RGS12: variants seen among roughly 807,000 people sequenced by gnomAD.
RGS12 encodes regulator of G-protein signaling 12.
RGS12 carries 66 observed loss-of-function variants against 120.1 expected under a neutral mutation model. That is an observed-to-expected ratio of 0.55 (90% confidence interval 0.45 to 0.67). The LOEUF is 0.67. Among genes scored for constraint, RGS12 ranks in the 30% least tolerant of loss-of-function variants. The pLI, the probability that RGS12 is intolerant of heterozygous loss-of-function variation, is 0.00. For synonymous variants in RGS12, 827 were observed against 804.7 expected (o/e 1.03, Z -0.47); for missense variants, 1,859 against 1,957.7 (o/e 0.95, Z 0.95).
At chr4:3,409,976 G>A (rs1342279129) in intron 4 of RGS12, among the ~76,000 whole-genome samples, 1 of 152,236 alleles carries the variant, frequency 6.6e-6, no homozygotes, top group African/African-American at 2.4e-5. Context: ...CTGGCTCCCT[G>A]CTCTGCCCAG....
chr4:3,351,247 T>C (rs908203610), intron 3 of RGS12, among the ~76,000 whole-genome samples: 4 of 152,224 alleles, frequency 2.6e-5, no homozygotes, highest in Non-Finnish European at 5.9e-5. Context: ...CTTGAATTAG[T>C]AACAAATCTT....
In RGS12 at chr4:3,422,980, TAAGAGG is replaced by T; in HGVS notation, c.3107+7_3107+12del. Reference sequence around the variant, plus strand: ...CCTAGAAAAGCGCACCTTGTTTCGGTAAGAGGAAGATCGCTGTCATTCACCTGAGGC... The same window carrying T: ...CCTAGAAAAGCGCACCTTGTTTCGGTAAGATCGCTGTCATTCACCTGAGGC... On this transcript the variant is annotated splice_donor_5th_base_variant and intron_variant, in intron 12 of 17. Coordinates refer to ENST00000336727, the MANE Select transcript of RGS12 (RefSeq NM_001394154.1). The T allele has an allele frequency of 6.2e-7, 1 of 1,612,312 alleles. No homozygotes were observed. Among genetic ancestry groups the T allele is most frequent in the Non-Finnish European group, 8.5e-7 (1 of 1,179,184 alleles).
intron 3 of RGS12, among the ~76,000 whole-genome samples, chr4:3,384,399 T>C (rs1299748068): frequency 6.6e-6 from 1 of 152,136 alleles, no homozygotes; most frequent in Admixed American, 6.5e-5. Context: ...GGTGATCCAC[T>C]CACCTCGGCT....
At chr4:3,419,487 AAAATAAAT>A (rs113081686) in intron 9 of RGS12, 2 of 149,094 alleles carry the variant, frequency 1.3e-5, no homozygotes, top group African/African-American at 2.5e-5. Context: ...AGACTGTCTC[AAAATAAAT>A]AAATAAATAA....
intron 1 of RGS12, among the ~76,000 whole-genome samples, chr4:3,294,290 C>G (rs1010071402): frequency 3.3e-5 from 5 of 152,332 alleles, no homozygotes; most frequent in African/African-American, 1.2e-4. Context: ...GGCAGCAGCC[C>G]CACCATTCAC....
In RGS12 at chr4:3,414,478, GTC is replaced by G. The variant is rs1408755834; in HGVS notation, c.2190+243_2190+244del. 6.6e-6 allele frequency: 4 copies of G among 602,330 alleles called. No individual in the cohort carries two copies. The East Asian group carries it at 1.1e-4, about 17-fold the overall frequency. 37.3% of individuals were successfully genotyped at this position (602,330 alleles called of 1,614,324 possible). On this transcript the variant is annotated intron_variant, in intron 5 of 17. Transcript: ENST00000336727. ...CCTGGCCCTCCCGCTCTCTACTGGG[GTC>G]TCTCTGCAGCCCGCAGCACTGGAGC...
intron 4 of RGS12, among the ~76,000 whole-genome samples, chr4:3,398,169 A>G (rs971230854): frequency 6.6e-6 from 1 of 152,252 alleles, no homozygotes; most frequent in Non-Finnish European, 1.5e-5. Flanking sequence ...CATTTTCAAT[A>G]TAATTGACCA....
At chr4:3,370,199 C>T in intron 3 of RGS12, 1 of 1,584,612 alleles carries the variant, frequency 6.3e-7, no homozygotes, top group Non-Finnish European at 8.6e-7. Flanking sequence ...ACTTTTCTCA[C>T]ACGCACAAGC....
chr4:3,368,178 C>T (rs1716539182), intron 3 of RGS12, among the ~76,000 whole-genome samples: 1 of 152,208 alleles, frequency 6.6e-6, no homozygotes, highest in South Asian at 2.1e-4. Flanking sequence ...AGACCACTGT[C>T]TCCTCCAAAG....
At position 3,433,311 on chromosome 4, in the gene RGS12, G is replaced by A. The variant is rs946841205; in HGVS notation, c.4114+2356G>A. On this transcript the variant is annotated intron_variant, in intron 17 of 17. Transcript: ENST00000336727. This position sits in a 1 kb window ranked among gnomAD's most constrained non-coding sequence, Gnocchi z 4.4. ...GGTGTAGCCAAGCCCACGGGCTCCC[G>A]CCCTCCCCATTGCCATGGTGGGCAG... 2.6e-5 allele frequency among the ~76,000 whole-genome samples: 4 copies of A among 152,174 alleles called. No homozygotes were observed. The highest frequency in any genetic ancestry group is 4.4e-5 in the Non-Finnish European group (3 of 68,002).
intron 2 of RGS12, among the ~76,000 whole-genome samples, chr4:3,330,646 T>C (rs921284284): frequency 6.6e-6 from 1 of 152,242 alleles, no homozygotes; most frequent in African/African-American, 2.4e-5. Context: ...ATTTCCATAC[T>C]ATGGGATCCA....
At chr4:3,298,889 A>G (rs543569785) in intron 1 of RGS12, among the ~76,000 whole-genome samples, 2 of 152,316 alleles carry the variant, frequency 1.3e-5, no homozygotes, top group South Asian at 2.1e-4. Context: ...TACTGTCATT[A>G]AATCTTTGAA....
chr4:3,422,798 T>G (rs1247582463), intron 11 of RGS12, 107 bp from the exon 12 acceptor site: 5 of 1,116,282 alleles, frequency 4.5e-6, no homozygotes, highest in Non-Finnish European at 6.7e-6. Flanking sequence ...TGGCTGTTTT[T>G]GAAGCTGCTC....
At chr4:3,423,675 G>A (rs772913465) in intron 13 of RGS12, 34 bp downstream of exon 13, 33 of 1,586,304 alleles carry the variant, frequency 2.1e-5, no homozygotes, top group Admixed American at 5.0e-5. Context: ...CGTCGTCACC[G>A]CAGGCACTGT....
intron 4 of RGS12, among the ~76,000 whole-genome samples, chr4:3,400,436 G>T (rs1389216809): frequency 6.6e-6 from 1 of 152,112 alleles, no homozygotes; most frequent in Non-Finnish European, 1.5e-5. Context: ...GGATACATTG[G>T]TGAACAAAAC....
At chr4:3,370,123 C>G in intron 3 of RGS12, 1 of 1,450,892 alleles carries the variant, frequency 6.9e-7, no homozygotes, top group Non-Finnish European at 9.1e-7. Context: ...CCACAGCTTC[C>G]TGCAGTGTCC....
At chr4:3,367,348 C>G (rs1031817590) in intron 3 of RGS12, among the ~76,000 whole-genome samples, 4 of 152,272 alleles carry the variant, frequency 2.6e-5, no homozygotes, top group African/African-American at 9.6e-5. Context: ...CACGCCCCGT[C>G]CTGGTGAGGC....
At chr4:3,315,361 AC>A (rs1288408974) in intron 1 of RGS12, among the ~76,000 whole-genome samples, 1 of 151,912 alleles carries the variant, frequency 6.6e-6, no homozygotes, top group Non-Finnish European at 1.5e-5. Flanking sequence ...ATACTTTTAT[AC>A]CCCCTGGAAG....
intron 17 of RGS12, among the ~76,000 whole-genome samples, chr4:3,435,403 ACT>A (rs961699505): frequency 2.0e-4 from 31 of 151,320 alleles, no homozygotes; most frequent in African/African-American, 7.3e-4. Flanking sequence ...AGACCCCCTC[ACT>A]CTGATGTGGA....
Sources: allele counts gnomAD v4.1 joint callset (sites outside exome capture counted in the v4.1 genomes callset), GRCh38; gene constraint gnomAD v4.1.1; non-coding constraint Gnocchi (gnomAD v3.1); transcripts MANE v1.5; gene names NCBI Gene and HGNC (gene_info 2026-07-23, HGNC 2026-07-21).